The following NXPE2 variants were observed in gnomAD, a reference collection of about 807,000 sequenced individuals.
The protein encoded by NXPE2 is NXPE family member 2.
NXPE2 carries 34 observed loss-of-function variants against 34.4 expected under a neutral mutation model. That is an observed-to-expected ratio of 0.99 (90% CI 0.75 to 1.31). NXPE2 has a LOEUF of 1.31. NXPE2 is among the 40% of genes most tolerant of loss of function. The probability of loss-of-function intolerance (pLI) is 0.00; values close to 1 mark genes in which losing one functional copy is unlikely to be tolerated. For synonymous variants in NXPE2, 235 were observed against 231.3 expected (o/e 1.02, Z -0.15); for missense variants, 649 against 672.5 (o/e 0.97, Z 0.39).
At chr11:114,567,653 C>G in the NXPE2 span, among the ~76,000 whole-genome samples, 1 of 151,884 alleles carries the variant, frequency 6.6e-6, no homozygotes, top group African/African-American at 2.4e-5. Context: ...CCTCATTGGA[C>G]CCAGACTGTT....
chr11:114,694,952 C>T (rs555094864), intron 2 of NXPE2, among the ~76,000 whole-genome samples: 44 of 152,144 alleles, frequency 2.9e-4, no homozygotes, highest in Non-Finnish European at 6.2e-4. Context: ...TGTTCTGATG[C>T]TTGCATTGTC....
the NXPE2 span, among the ~76,000 whole-genome samples, chr11:114,798,595 G>A: frequency 1.3e-5 from 2 of 152,176 alleles, no homozygotes; most frequent in Admixed American, 6.5e-5. Flanking sequence ...TGTTGGTCAG[G>A]CTGGTCTTGA....
the NXPE2 span, among the ~76,000 whole-genome samples, chr11:114,790,091 G>T: frequency 6.6e-6 from 1 of 152,146 alleles, no homozygotes; most frequent in Non-Finnish European, 1.5e-5. Context: ...TGCTCCCTGT[G>T]TCAAGATATC....
At chr11:114,505,234 C>T in the NXPE2 span, among the ~76,000 whole-genome samples, 2 of 152,088 alleles carry the variant, frequency 1.3e-5, no homozygotes, top group Admixed American at 1.3e-4. Flanking sequence ...TGTAAAGAGA[C>T]TGAATCTACA....
the NXPE2 span, among the ~76,000 whole-genome samples, chr11:114,802,282 G>A: frequency 0.15 from 22,225 of 152,072 alleles, 1,629 homozygotes; most frequent in South Asian, 0.18. Flanking sequence ...GTCTCTCCCC[G>A]TCAATCTTTC....
At chr11:114,763,430 C>T in the NXPE2 span, among the ~76,000 whole-genome samples, 2 of 151,814 alleles carry the variant, frequency 1.3e-5, no homozygotes, top group African/African-American at 4.8e-5. Context: ...TTTTATCTAG[C>T]CTGTGCAGCC....
At chr11:114,807,334 C>T in the NXPE2 span, among the ~76,000 whole-genome samples, 1 of 152,174 alleles carries the variant, frequency 6.6e-6, no homozygotes, top group African/African-American at 2.4e-5. Context: ...CAAATTCACA[C>T]ATAACAATAT....
chr11:114,564,007 T>C, the NXPE2 span, among the ~76,000 whole-genome samples: 2 of 152,080 alleles, frequency 1.3e-5, no homozygotes, highest in African/African-American at 4.8e-5. Flanking sequence ...GGCACACACA[T>C]GTTTATGGCA....
At chr11:114,521,258 A>G in the NXPE2 span, among the ~76,000 whole-genome samples, 1 of 152,076 alleles carries the variant, frequency 6.6e-6, no homozygotes, top group Admixed American at 6.6e-5. Context: ...CACATGAGAG[A>G]TTTTGCTTTT....
chr11:114,508,078 C>T, the NXPE2 span, among the ~76,000 whole-genome samples: 2 of 152,172 alleles, frequency 1.3e-5, no homozygotes, highest in Non-Finnish European at 2.9e-5. Context: ...CAAAAAATCA[C>T]TAGCATTCCT....
chr11:114,469,109 C>CTGTTTTT, the NXPE2 span, among the ~76,000 whole-genome samples: 1 of 88,864 alleles, frequency 1.1e-5, no homozygotes, highest in East Asian at 3.4e-4. Flanking sequence ...ACAGTGCTAG[C>CTGTTTTT]TTTTTTTTTT....
At chr11:114,532,946 G>T in the NXPE2 span, among the ~76,000 whole-genome samples, 1 of 152,088 alleles carries the variant, frequency 6.6e-6, no homozygotes, top group Non-Finnish European at 1.5e-5. Flanking sequence ...TGCAATAAAA[G>T]GATTTGATGT....
the NXPE2 span, among the ~76,000 whole-genome samples, chr11:114,640,322 A>G: frequency 6.8e-6 from 1 of 147,032 alleles, no homozygotes; most frequent in African/African-American, 2.5e-5. Flanking sequence ...TATATATTAT[A>G]TGTTTATATT....
At chr11:114,747,105 C>T in the NXPE2 span, among the ~76,000 whole-genome samples, 270 of 152,308 alleles carry the variant, frequency 1.8e-3, 1 homozygote, top group Admixed American at 5.7e-3. Flanking sequence ...TCTACCTTCC[C>T]TCTATCCAGA....
At chr11:114,603,731 A>G in the NXPE2 span, among the ~76,000 whole-genome samples, 1 of 150,644 alleles carries the variant, frequency 6.6e-6, no homozygotes, top group Non-Finnish European at 1.5e-5. Flanking sequence ...GTTAACTCCT[A>G]TTACCCAGTG....
chr11:114,518,908 T>C, the NXPE2 span, among the ~76,000 whole-genome samples: 1 of 152,206 alleles, frequency 6.6e-6, no homozygotes, highest in African/African-American at 2.4e-5. Flanking sequence ...AAGTATTCCC[T>C]AGTTAATTTC....
At chr11:114,466,576 A>G in the NXPE2 span, among the ~76,000 whole-genome samples, 4 of 151,576 alleles carry the variant, frequency 2.6e-5, no homozygotes, top group African/African-American at 9.7e-5. Context: ...ATATTGTCCA[A>G]TTTTCATTCT....
intron 2 of NXPE2, among the ~76,000 whole-genome samples, chr11:114,693,587 T>C (rs1251445388): frequency 2.0e-5 from 3 of 152,178 alleles, no homozygotes; most frequent in African/African-American, 7.2e-5. Context: ...AAAAGGTGGG[T>C]TGAAACTTGC....
chr11:114,632,734 T>A, the NXPE2 span, among the ~76,000 whole-genome samples: 2 of 55,970 alleles, frequency 3.6e-5, no homozygotes, highest in Non-Finnish European at 6.2e-5. Flanking sequence ...ATATATAATA[T>A]ATATAAAATA....
Sources: allele counts gnomAD v4.1 joint callset (sites outside exome capture counted in the v4.1 genomes callset), GRCh38; gene constraint gnomAD v4.1.1; transcripts MANE v1.5; gene names NCBI Gene and HGNC (gene_info 2026-07-23, HGNC 2026-07-21).